APOBEC1: variants seen among roughly 807,000 people sequenced by gnomAD.
APOBEC1 encodes C->U-editing enzyme APOBEC-1.
Under a neutral mutation model 26.3 loss-of-function variants are expected in APOBEC1, and 22 were observed. The ratio of observed to expected loss-of-function variants is 0.84; its 90% CI spans 0.60 to 1.19. The LOEUF (loss-of-function observed/expected upper bound fraction) is 1.19. Ranked by LOEUF, APOBEC1 falls within the 50% of genes most tolerant of loss-of-function variation. APOBEC1 has a pLI of 0.00. For missense variants in APOBEC1, 253 were observed against 289.0 expected, an observed-to-expected ratio of 0.88 and a Z score of 0.90; for synonymous variants, 77 against 95.3, an observed-to-expected ratio of 0.81 and a Z score of 1.12.
chr12:7,662,071 C>T (rs117896514), intron 1 of APOBEC1, among the ~76,000 whole-genome samples: 2,666 of 135,134 alleles, frequency 0.02, 34 homozygotes, highest in Non-Finnish European at 0.03. Context: ...ACAGCAAGAC[C>T]CCGTCTCTAA....
intron 2 of APOBEC1, 90 bp from the exon 3 acceptor site, chr12:7,652,925 ATT>A (rs1343433111): frequency 3.9e-6 from 4 of 1,035,020 alleles, no homozygotes; most frequent in Middle Eastern, 6.1e-4. Context: ...TTTTTATTTT[ATT>A]TTATTTTATT....
At chr12:7,657,997 T>C (rs1246136510) in intron 1 of APOBEC1, among the ~76,000 whole-genome samples, 2 of 152,202 alleles carry the variant, frequency 1.3e-5, no homozygotes, top group Non-Finnish European at 2.9e-5. Flanking sequence ...CAAAAGTCCC[T>C]AATTTCTTCC....
Position 7,665,029 on chromosome 12 carries a change from C to T in APOBEC1, c.16+828G>A, listed in dbSNP as rs1407481279. On this transcript the variant is annotated intron_variant, in intron 1 of 4. Coordinates refer to ENST00000229304, the MANE Select transcript of APOBEC1 (RefSeq NM_001644.5). The stretch of plus-strand genomic sequence containing the variant: ...AGACCAGCCTGGGCGAAGTAGTGAA[C>T]CCACCCGCTAGTCTCTAAAAACAAA... Among the ~76,000 whole-genome samples the T allele has an allele frequency of 3.3e-5, 5 of 152,050 alleles. No homozygotes were observed. The East Asian group carries it at 9.6e-4, about 29-fold the overall frequency.
Position 7,659,343 on chromosome 12 carries a change from ATATATATG to A in APOBEC1, c.17-4719_17-4712del, listed in dbSNP as rs1252356501. On this transcript the variant is annotated intron_variant, in intron 1 of 4. Coordinates refer to ENST00000229304, the MANE Select transcript of APOBEC1 (RefSeq NM_001644.5). ...AAAAAATATATATATATATATATATATATATATGTTTATATTTGAAATTTAAAAATCAC... is the reference window on the plus strand; with the variant it reads ...AAAAAATATATATATATATATATATATTTATATTTGAAATTTAAAAATCAC... Among the ~76,000 whole-genome samples, 731 of 109,676 alleles carry A rather than the reference ATATATATG, an allele frequency of 6.7e-3. 15 individuals carry two copies. Among genetic ancestry groups the A allele is most frequent in the African/African-American group, 0.022 (635 of 28,570 alleles). 72.0% of individuals were successfully genotyped at this position (109,676 alleles called of 152,430 possible).
intron 1 of APOBEC1, among the ~76,000 whole-genome samples, chr12:7,654,960 G>A (rs1322234217): frequency 1.3e-5 from 2 of 152,192 alleles, no homozygotes; most frequent in African/African-American, 4.8e-5. Context: ...TGTAATTCTA[G>A]CACTTTGGGA....
At chr12:7,666,928 T>G (rs773375715), upstream of APOBEC1, among the ~76,000 whole-genome samples, 158 of 138,400 alleles carry the variant, frequency 1.1e-3, 2 homozygotes, top group East Asian at 0.019. Context: ...TTTTTTTTTT[T>G]GAGACAGAGT....
At chr12:7,655,316 G>C (rs1321967377) in intron 1 of APOBEC1, among the ~76,000 whole-genome samples, 1 of 151,926 alleles carries the variant, frequency 6.6e-6, no homozygotes, top group Non-Finnish European at 1.5e-5. Context: ...TTCCAGACTA[G>C]CCTGACCAAC....
At chr12:7,660,376 G>GAAGGAAGGAAGGAAGGAAGGACAGAA (rs1290120140) in intron 1 of APOBEC1, among the ~76,000 whole-genome samples, 1 of 60,982 alleles carries the variant, frequency 1.6e-5, no homozygotes, top group Non-Finnish European at 4.1e-5. Context: ...AGGAAGGAAG[G>GAAGGAAGGAAGGAAGGAAGGACAGAA]AAAGAAAGAA....
chr12:7,659,322 AATATATATAT>A (rs1328982852), intron 1 of APOBEC1, among the ~76,000 whole-genome samples: 23 of 46,278 alleles, frequency 5.0e-4, no homozygotes, highest in African/African-American at 2.0e-3. Flanking sequence ...AAAAAAAAAA[AATATATATAT>A]ATATATATAT....
intron 3 of APOBEC1, among the ~76,000 whole-genome samples, chr12:7,652,181 C>T (rs1592057014): frequency 1.3e-5 from 2 of 152,206 alleles, no homozygotes; most frequent in South Asian, 2.1e-4. Context: ...TGATCTTGAA[C>T]CCCTGGCTTC....
At chr12:7,661,913 T>C (rs1863825365) in intron 1 of APOBEC1, among the ~76,000 whole-genome samples, 1 of 152,172 alleles carries the variant, frequency 6.6e-6, no homozygotes, top group South Asian at 2.1e-4. Flanking sequence ...TGCACAGGGC[T>C]TCAGGGAGTG....
At chr12:7,650,257 G>C (rs1203557028) in intron 4 of APOBEC1, among the ~76,000 whole-genome samples, 1 of 152,138 alleles carries the variant, frequency 6.6e-6, no homozygotes, top group African/African-American at 2.4e-5. Flanking sequence ...TAATGATAAA[G>C]CCAGACATGA....
intron 1 of APOBEC1, among the ~76,000 whole-genome samples, chr12:7,658,402 A>G (rs1303149171): frequency 6.6e-6 from 1 of 152,172 alleles, no homozygotes; most frequent in Non-Finnish European, 1.5e-5. Flanking sequence ...AGATGATTAA[A>G]TAGGTGTTGG....
Position 7,654,522 on chromosome 12 carries a change from C to T in APOBEC1, c.44+83G>A, listed in dbSNP as rs188371284. 2.3e-4 allele frequency: 311 copies of T among 1,380,224 alleles called. 3 individuals are homozygous for T. The East Asian group carries it at 5.1e-3, about 22-fold the overall frequency. 85.5% of individuals were successfully genotyped at this position (1,380,224 alleles called of 1,614,324 possible). A position where few individuals can be genotyped will look rare whatever the true frequency, so the allele number is the denominator to read the frequency against. On this transcript the variant is annotated intron_variant, in intron 2 of 4. Coordinates refer to ENST00000229304, the MANE Select transcript of APOBEC1 (RefSeq NM_001644.5). ...CCTCCTGAGTAGCTGGGATTATAGG[C>T]GCATGTGCCACCATGCACAGCTCTT... is the stretch of plus-strand genomic sequence containing the variant.
upstream of APOBEC1, among the ~76,000 whole-genome samples, chr12:7,668,596 G>A (rs934897969): frequency 6.6e-6 from 1 of 152,248 alleles, no homozygotes; most frequent in East Asian, 1.9e-4. Flanking sequence ...GATAATCAAG[G>A]ATGAAATGTA....
intron 1 of APOBEC1, among the ~76,000 whole-genome samples, chr12:7,655,252 T>C (rs1863697031): frequency 6.6e-6 from 1 of 152,042 alleles, no homozygotes; most frequent in Admixed American, 6.6e-5. Flanking sequence ...GGCTCACGCC[T>C]GTAATCCCAG....
At chr12:7,655,221 T>A (rs1863696377) in intron 1 of APOBEC1, among the ~76,000 whole-genome samples, 1 of 144,480 alleles carries the variant, frequency 6.9e-6, no homozygotes, top group South Asian at 2.2e-4. Flanking sequence ...AAATAAAAAT[T>A]AAAAATAGGC....
chr12:7,660,519 C>T (rs760557593), intron 1 of APOBEC1, among the ~76,000 whole-genome samples: 2 of 151,224 alleles, frequency 1.3e-5, no homozygotes, highest in African/African-American at 4.9e-5. Flanking sequence ...ACCAGCCTAA[C>T]ATGGTGAAAC....
chr12:7,653,424 T>C (rs932862753), intron 2 of APOBEC1, among the ~76,000 whole-genome samples: 1 of 152,066 alleles, frequency 6.6e-6, no homozygotes, highest in Non-Finnish European at 1.5e-5. Flanking sequence ...TATGTTTTAG[T>C]CTTGAATTCA....
Sources: gnomAD v4.1 joint callset for allele counts (sites outside exome capture counted in the v4.1 genomes callset) on GRCh38, gnomAD v4.1.1 for gene constraint, MANE v1.5 for transcripts, NCBI Gene and HGNC (gene_info 2026-07-23, HGNC 2026-07-21) for gene names.